OSBPL9: variants seen among roughly 807,000 people sequenced by gnomAD.
OSBPL9 encodes the protein oxysterol-binding protein-related protein 9.
A neutral mutation model predicts 106.6 loss-of-function variants in OSBPL9; 40 were observed. The ratio of observed to expected loss-of-function variants is 0.38; its 90% CI spans 0.29 to 0.49. OSBPL9 has a LOEUF of 0.49. Among genes scored for constraint, OSBPL9 ranks in the 20% least tolerant of loss-of-function variants. The pLI is 0.97. For missense variants in OSBPL9, 609 were observed against 887.2 expected (o/e 0.69, Z 3.98); for synonymous variants, 269 against 295.4 (o/e 0.91, Z 0.92).
chr1:51,579,856 A>AAATAATAATAATAATAATAAT (rs34556128), intron 1 of OSBPL9, among the ~76,000 whole-genome samples: 2,632 of 143,756 alleles, frequency 0.018, 29 homozygotes, highest in Middle Eastern at 0.029. Flanking sequence ...CTCTGTCTCA[A>AAATAATAATAATAATAATAAT]AATAATAATA....
At chr1:51,586,964 C>T (rs376247761) in intron 1 of OSBPL9, among the ~76,000 whole-genome samples, 2 of 152,182 alleles carry the variant, frequency 1.3e-5, no homozygotes, top group African/African-American at 4.8e-5. Context: ...CAGGTGATGT[C>T]GATAGGACAG....
intron 9 of OSBPL9, among the ~76,000 whole-genome samples, chr1:51,759,253 G>T (rs559820789): frequency 1.2e-4 from 19 of 152,150 alleles, no homozygotes; most frequent in South Asian, 1.0e-3. Context: ...TGATCGAAAA[G>T]ACCTTATTTA....
intron 9 of OSBPL9, 108 bp downstream of exon 9, chr1:51,756,466 A>G (rs1670364488): frequency 9.6e-7 from 1 of 1,045,666 alleles, no homozygotes; most frequent in Non-Finnish European, 1.4e-6. Flanking sequence ...CCAACTACTC[A>G]CTGCTTTTTG....
chr1:51,695,078 T>C (rs541591933), intron 3 of OSBPL9, among the ~76,000 whole-genome samples: 1 of 152,360 alleles, frequency 6.6e-6, no homozygotes, highest in African/African-American at 2.4e-5. Flanking sequence ...ACCGTTATAC[T>C]TTAGTGTGTA....
the OSBPL9 span, among the ~76,000 whole-genome samples, chr1:51,521,827 G>A: frequency 6.6e-6 from 1 of 151,980 alleles, no homozygotes; most frequent in Non-Finnish European, 1.5e-5. Context: ...GTGCAATCTC[G>A]GCTCACTGCA....
At chr1:51,746,659 A>G (rs1668037189) in intron 5 of OSBPL9, 51 bp from the exon 6 acceptor site, 3 of 1,314,860 alleles carry the variant, frequency 2.3e-6, no homozygotes, top group Non-Finnish European at 3.2e-6. Context: ...GTGAATGTAC[A>G]TCGTATAGTA....
intron 3 of OSBPL9, among the ~76,000 whole-genome samples, chr1:51,706,279 T>C (rs1364247184): frequency 6.6e-6 from 1 of 152,246 alleles, no homozygotes; most frequent in African/African-American, 2.4e-5. Context: ...CTAATAGTTA[T>C]AGCACTATCT....
intron 4 of OSBPL9, among the ~76,000 whole-genome samples, chr1:51,736,519 T>G (rs1665744532): frequency 6.6e-6 from 1 of 152,214 alleles, no homozygotes; most frequent in African/African-American, 2.4e-5. Flanking sequence ...GTTAGATTAA[T>G]ATATCAGGTT....
intron 2 of OSBPL9, among the ~76,000 whole-genome samples, chr1:51,660,874 A>G (rs548692942): frequency 6.6e-6 from 1 of 152,354 alleles, no homozygotes; most frequent in African/African-American, 2.4e-5. Flanking sequence ...TTGTTGAAGT[A>G]ATTAGTGAAT....
At position 51,656,673 on chromosome 1, in the gene OSBPL9, C is replaced by G. The variant is rs1352533407; in HGVS notation, c.162+4632C>G. The stretch of plus-strand genomic sequence containing the variant: ...CTCCTCCCCCTCCTCGCTCTCCCCC[C>G]AACTTTTGACAGGATCTTGCTCTTT... On this transcript the variant is annotated intron_variant, in intron 2 of 23. Coordinates refer to ENST00000428468, the MANE Select transcript of OSBPL9 (RefSeq NM_024586.6). Among the ~76,000 whole-genome samples, 4 of 149,168 alleles carry G rather than the reference C, an allele frequency of 2.7e-5. No homozygotes were observed. The South Asian group carries it at 8.8e-4, about 33-fold the overall frequency.
chr1:51,540,698 G>A, the OSBPL9 span, among the ~76,000 whole-genome samples: 23 of 150,156 alleles, frequency 1.5e-4, no homozygotes, highest in East Asian at 2.6e-3. Flanking sequence ...GGTGGCTCAC[G>A]CCTGTAATCC....
At chr1:51,759,341 T>A (rs1029110075) in intron 9 of OSBPL9, among the ~76,000 whole-genome samples, 4 of 152,038 alleles carry the variant, frequency 2.6e-5, no homozygotes, top group Non-Finnish European at 4.4e-5. Context: ...CTGAACACAG[T>A]GTATGTTTGT....
the OSBPL9 span, among the ~76,000 whole-genome samples, chr1:51,571,478 C>T: frequency 6.6e-6 from 1 of 151,932 alleles, no homozygotes; most frequent in South Asian, 2.1e-4. Context: ...CCAGCATGGG[C>T]AACATAATGA....
chr1:51,718,850 C>T lies in OSBPL9; in HGVS notation c.318+4771C>T, dbSNP rs567588716. On this transcript the variant is annotated intron_variant, in intron 4 of 23. Transcript: ENST00000428468. The stretch of plus-strand genomic sequence containing the variant: ...TAGTGACTTCACCTGTACTTTATTT[C>T]TCTGCTTTGAATATTTCGAAGAAAA... 4.6e-5 allele frequency among the ~76,000 whole-genome samples: 7 copies of T among 152,294 alleles called. No homozygotes were observed. In the East Asian group the frequency reaches 1.3e-3, roughly 29 times the overall value.
At chr1:51,576,444 C>T (rs567398387), upstream of OSBPL9, among the ~76,000 whole-genome samples, 11 of 152,322 alleles carry the variant, frequency 7.2e-5, no homozygotes, top group South Asian at 2.3e-3. Flanking sequence ...AAAAACTTCA[C>T]CTTATTCATG....
chr1:51,764,420 C>T lies in OSBPL9; in HGVS notation c.779-1402C>T, dbSNP rs1672140035. Among the ~76,000 whole-genome samples the T allele has an allele frequency of 2.0e-5, 3 of 152,094 alleles. No homozygotes were observed. In the South Asian group the frequency reaches 6.2e-4, roughly 32 times the overall value. ...ATAAGGTGAGCTACCTTTGGAATTT[C>T]CAAAATAAGCATTACCTTTTAGGGG... On this transcript the variant is annotated intron_variant, in intron 11 of 23. Transcript: ENST00000428468.
chr1:51,726,761 G>A (rs976727287), intron 4 of OSBPL9, among the ~76,000 whole-genome samples: 2 of 151,816 alleles, frequency 1.3e-5, no homozygotes, highest in African/African-American at 4.8e-5. Context: ...ACAGCTTTGG[G>A]GTTTTTTCCT....
chr1:51,558,285 GA>G, the OSBPL9 span, among the ~76,000 whole-genome samples: 16 of 147,820 alleles, frequency 1.1e-4, no homozygotes, highest in Admixed American at 2.7e-4. Flanking sequence ...GTCTCAAAAA[GA>G]AAAAAAAAAG....
the OSBPL9 span, among the ~76,000 whole-genome samples, chr1:51,532,571 A>T: frequency 3.9e-5 from 6 of 152,350 alleles, 1 homozygote; most frequent in South Asian, 1.2e-3. Context: ...TAGCACTAAA[A>T]GCCCACTTGA....
Sources: allele counts gnomAD v4.1 joint callset (sites outside exome capture counted in the v4.1 genomes callset), GRCh38; gene constraint gnomAD v4.1.1; transcripts MANE v1.5; gene names NCBI Gene and HGNC (gene_info 2026-07-23, HGNC 2026-07-21).